TRIM39: variants seen among roughly 807,000 people sequenced by gnomAD.
TRIM39 encodes the protein E3 ubiquitin-protein ligase TRIM39.
Under a neutral mutation model 53.6 loss-of-function variants are expected in TRIM39, and 5 were observed. That is an observed-to-expected ratio of 0.09 (90% CI 0.05 to 0.20). TRIM39 has a LOEUF of 0.20. TRIM39 is among the 10% of genes least tolerant of loss of function. The probability of loss-of-function intolerance (pLI) is 1.00; values close to 1 mark genes in which losing one functional copy is unlikely to be tolerated. For synonymous variants in TRIM39, 196 were observed against 237.6 expected (o/e 0.82, Z 1.61); for missense variants, 310 against 621.0 (o/e 0.50, Z 5.32).
Position 30,341,845 on chromosome 6 carries a change from C to A in TRIM39, c.1053C>A (p.Cys351Ter). 1 of 1,613,036 alleles carries A rather than the reference C, an allele frequency of 6.2e-7. No individual in the cohort carries two copies. The highest frequency in any genetic ancestry group is 8.5e-7 in the Non-Finnish European group (1 of 1,180,036). Reference sequence around the variant, plus strand: ...CAAGGCGTTTCACCTTCTACCCTTGCGTCCTGGCTACTGAGGGTTTCACCT... The same window carrying A: ...CAAGGCGTTTCACCTTCTACCCTTGAGTCCTGGCTACTGAGGGTTTCACCT... Residue 351 changes from cysteine to a stop codon, truncating the protein, a stop_gained, in exon 8 of 8, where the codon TGC becomes TGA. Coordinates refer to ENST00000396551, the Ensembl canonical transcript of TRIM39. LOFTEE classifies it high-confidence loss of function.
intron 3 of TRIM39, among the ~76,000 whole-genome samples, chr6:30,330,441 T>G (rs996915611): frequency 3.9e-5 from 6 of 152,102 alleles, no homozygotes; most frequent in African/African-American, 9.7e-5. Context: ...TAAAGAGAGA[T>G]ATTAGGGTAC....
rs189348010 is a variant in TRIM39, at chr6:30,328,423, T to C, written c.-160-466T>C. On this transcript the variant is annotated intron_variant, in intron 1 of 7. Coordinates refer to ENST00000396551, the Ensembl canonical transcript of TRIM39. ...AATGTCATTCCAAGAAGAGAGCAGA[T>C]TTCCTTTAGGCTAGTCTGATGGATA... 6.0e-3 allele frequency among the ~76,000 whole-genome samples: 910 copies of C among 152,364 alleles called. 2 individuals carry two copies. Among genetic ancestry groups the C allele is most frequent in the Middle Eastern group, 0.031 (9 of 294 alleles).
At chr6:30,329,955 G>A (rs998928562) in intron 3 of TRIM39, among the ~76,000 whole-genome samples, 185 bp downstream of exon 3, 14 of 152,344 alleles carry the variant, frequency 9.2e-5, no homozygotes, top group African/African-American at 3.1e-4. Context: ...ATGGTGAGAA[G>A]TGCCCTAAAA....
chr6:30,327,778 A>G (rs1165510317), intron 1 of TRIM39: 1 of 152,264 alleles, frequency 6.6e-6, no homozygotes, highest in Admixed American at 6.5e-5. Context: ...ACAGATAGAA[A>G]TCATCTGACT....
At position 30,342,319 on chromosome 6, in the gene TRIM39, C is replaced by A; in HGVS notation, c.*60C>A. 6.4e-7 allele frequency: 1 copy of A among 1,555,850 alleles called. No homozygotes were observed. Among genetic ancestry groups the A allele is most frequent in the Admixed American group, 1.7e-5 (1 of 58,290 alleles). On this transcript the variant is annotated 3_prime_UTR_variant, in exon 8 of 8. Transcript: ENST00000396551. This position sits in a 1 kb window ranked among gnomAD's most constrained non-coding sequence, Gnocchi z 4.7. ...GGGTCAAGTGCTACGGGCCTCCTTC[C>A]CGTGTCCTGCTGGAACGTCTTCGTG...
At chr6:30,328,240 T>C (rs973522796) in intron 1 of TRIM39, among the ~76,000 whole-genome samples, 1 of 152,246 alleles carries the variant, frequency 6.6e-6, no homozygotes. Context: ...TCAATAGCTA[T>C]ATTGAAAGAT....
At chr6:30,327,018 G>A (rs984842136) in intron 1 of TRIM39, 23 bp downstream of exon 1, 1 of 151,708 alleles carries the variant, frequency 6.6e-6, no homozygotes, top group African/African-American at 2.4e-5. Context: ...CCGCCGCCGC[G>A]CCCGAGCCTG....
chr6:30,331,097 C>T (rs2127390037), intron 4 of TRIM39, among the ~76,000 whole-genome samples: 1 of 152,192 alleles, frequency 6.6e-6, no homozygotes, highest in Admixed American at 6.5e-5. Flanking sequence ...TGGTGAAACC[C>T]TGTCTTTACT....
At chr6:30,340,190 G>A in intron 6 of TRIM39, 1 of 1,271,730 alleles carries the variant, frequency 7.9e-7, no homozygotes, top group Non-Finnish European at 1.1e-6. Flanking sequence ...GTGCCAGTGG[G>A]TGGAATTGTG....
At position 30,339,211 on chromosome 6, in the gene TRIM39, T is replaced by C. The variant is rs1361271205; in HGVS notation, c.781-697T>C. Among the ~76,000 whole-genome samples the C allele has an allele frequency of 2.0e-5, 3 of 151,900 alleles. No individual in the cohort carries two copies. The highest frequency in any genetic ancestry group is 2.9e-5 in the Non-Finnish European group (2 of 67,962). ...GTCGCCCAGGCTGGAGTGCAGTGCA[T>C]GATCTCGGCTCACTGCAACCTTTGC... On this transcript the variant is annotated intron_variant, in intron 5 of 7. Transcript: ENST00000396551. The surrounding 1 kb of genome is among the most constrained non-coding windows in gnomAD (Gnocchi z 4.2).
chr6:30,335,748 C>T lies in TRIM39; in HGVS notation c.553C>T (p.Leu185=), dbSNP rs1414102412. The change falls in exon 5 of 8, where the codon CTA becomes TTA. Residue 185 remains leucine (L), a synonymous_variant. Coordinates refer to ENST00000396551, the Ensembl canonical transcript of TRIM39. This position sits in a 1 kb window ranked among gnomAD's most constrained non-coding sequence, Gnocchi z 4.7. ...AACATCTTCCCTCTCTTCTCAGAGA[C>T]TAGTGGAAAGTCGCCGACAGCAGAT... is the stretch of plus-strand genomic sequence containing the variant. 2.5e-6 allele frequency: 4 copies of T among 1,612,636 alleles called. No individual in the cohort carries two copies. In the African/African-American group the frequency reaches 5.3e-5, roughly 22 times the overall value.
rs1226951705 is a variant in TRIM39 at position 30,339,340 on chromosome 6, G to C, written c.781-568G>C. On this transcript the variant is annotated intron_variant, in intron 5 of 7. Coordinates refer to ENST00000396551, the Ensembl canonical transcript of TRIM39. This position sits in a 1 kb window ranked among gnomAD's most constrained non-coding sequence, Gnocchi z 4.2. ...ATTTTTGTATTTTTAGTAAAGACAG[G>C]GTTTCACCATGTTGGCTAGGCTGGT... Among the ~76,000 whole-genome samples the C allele has an allele frequency of 1.3e-5, 2 of 151,920 alleles. No individual in the cohort carries two copies. Among genetic ancestry groups the C allele is most frequent in the Non-Finnish European group, 2.9e-5 (2 of 67,996 alleles).
At chr6:30,333,044 C>T (rs548196390) in intron 4 of TRIM39, among the ~76,000 whole-genome samples, 4 of 152,262 alleles carry the variant, frequency 2.6e-5, no homozygotes, top group African/African-American at 4.8e-5. Context: ...CTACCCTGAA[C>T]GACTTTACAG....
chr6:30,341,785 C>T (rs750721634), exon 8 of TRIM39: 10 of 1,612,834 alleles, frequency 6.2e-6, no homozygotes, highest in Admixed American at 1.7e-5. Context: ...GCGTCAAGTT[C>T]GTGGAGACAA....
chr6:30,329,481 G>A (rs1420010316), exon 3 of TRIM39: 1 of 1,613,044 alleles, frequency 6.2e-7, no homozygotes, highest in Non-Finnish European at 8.5e-7. Context: ...TGCATCACCC[G>A]CTGGTGGGAG....
At chr6:30,328,977 G>A (rs1398974117) in exon 2 of TRIM39, 1 of 286,418 alleles carries the variant, frequency 3.5e-6, no homozygotes, top group African/African-American at 2.2e-5. Flanking sequence ...AATGAGCCTG[G>A]ATCAGGAGAA....
Position 30,335,774 on chromosome 6 carries a change from C to T in TRIM39, c.579C>T (p.Ile193=). The change falls in exon 5 of 8, where the codon ATC becomes ATT. Residue 193 remains isoleucine (I), a synonymous_variant. Transcript: ENST00000396551. This position sits in a 1 kb window ranked among gnomAD's most constrained non-coding sequence, Gnocchi z 4.7. ...TAGTGGAAAGTCGCCGACAGCAGAT[C>T]TTGAGGGAGTTTGAAGAGCTTCATA... 6.2e-7 allele frequency: 1 copy of T among 1,613,028 alleles called. No individual in the cohort carries two copies. Among genetic ancestry groups the T allele is most frequent in the Non-Finnish European group, 8.5e-7 (1 of 1,180,000 alleles).
chr6:30,341,839 C>T, exon 8 of TRIM39: 2 of 1,613,040 alleles, frequency 1.2e-6, no homozygotes, highest in Non-Finnish European at 1.7e-6. Flanking sequence ...TCACCTTCTA[C>T]CCTTGCGTCC....
chr6:30,329,622 G>A (rs769468484), exon 3 of TRIM39: 2 of 1,613,098 alleles, frequency 1.2e-6, no homozygotes, highest in Admixed American at 1.7e-5. Flanking sequence ...CGGAAGATCC[G>A]GGATGAGAGC....
Sources: gnomAD v4.1 joint callset for allele counts (sites outside exome capture counted in the v4.1 genomes callset) on GRCh38, gnomAD v4.1.1 for gene constraint, Gnocchi (gnomAD v3.1) non-coding constraint, MANE v1.5 for transcripts, NCBI Gene and HGNC (gene_info 2026-07-23, HGNC 2026-07-21) for gene names.